TAFA1: variants seen among roughly 807,000 people sequenced by gnomAD.
The protein encoded by TAFA1 is TAFA chemokine like family member 1.
In TAFA1, 4 loss-of-function variants were observed where a neutral mutation model predicts 18.5. The ratio of observed to expected loss-of-function variants is 0.22; its 90% CI spans 0.11 to 0.49. The LOEUF is 0.49. Among genes scored for constraint, TAFA1 ranks in the 20% least tolerant of loss-of-function variants. The pLI is 0.98. For synonymous variants in TAFA1, 56 were observed against 55.2 expected (o/e 1.01, Z -0.06); for missense variants, 147 against 169.0 (o/e 0.87, Z 0.72).
chr3:68,413,324 G>T (rs184926805), intron 2 of TAFA1, among the ~76,000 whole-genome samples: 27 of 152,216 alleles, frequency 1.8e-4, no homozygotes, highest in African/African-American at 6.3e-4. Context: ...CATTCTGTAG[G>T]TTGAAACATG....
chr3:68,392,858 T>C (rs933745586), intron 2 of TAFA1, among the ~76,000 whole-genome samples: 1 of 152,134 alleles, frequency 6.6e-6, no homozygotes, highest in Non-Finnish European at 1.5e-5. Flanking sequence ...GCTAAAGCAG[T>C]GTTTAGAGGG....
intron 3 of TAFA1, among the ~76,000 whole-genome samples, chr3:68,518,634 C>A (rs757827970): frequency 6.6e-6 from 1 of 152,154 alleles, no homozygotes; most frequent in Non-Finnish European, 1.5e-5. Context: ...TTGAACTAGG[C>A]ATTCTGGGAA....
At chr3:68,129,153 G>C (rs2065508425) in intron 2 of TAFA1, among the ~76,000 whole-genome samples, 1 of 152,120 alleles carries the variant, frequency 6.6e-6, no homozygotes. Context: ...TCTTCTGTCT[G>C]GTACAGATAA....
chr3:68,414,208 G>A (rs906708071), intron 2 of TAFA1, among the ~76,000 whole-genome samples: 1 of 152,142 alleles, frequency 6.6e-6, no homozygotes, highest in Non-Finnish European at 1.5e-5. Context: ...TTGGGAGGCT[G>A]AGGCAAGAGA....
chr3:68,187,788 A>G (rs1414210130), intron 2 of TAFA1, among the ~76,000 whole-genome samples: 2 of 152,100 alleles, frequency 1.3e-5, no homozygotes, highest in East Asian at 3.9e-4. Context: ...GAAGCAATGT[A>G]TGATCATCTT....
intron 2 of TAFA1, among the ~76,000 whole-genome samples, chr3:68,224,527 C>G (rs892924321): frequency 1.1e-4 from 17 of 152,122 alleles, no homozygotes; most frequent in African/African-American, 3.6e-4. Context: ...GGTTTATTAA[C>G]CTGGAGAATT....
intron 2 of TAFA1, among the ~76,000 whole-genome samples, chr3:68,069,844 A>T (rs1451926158): frequency 1.3e-5 from 2 of 152,154 alleles, no homozygotes; most frequent in Admixed American, 6.5e-5. Context: ...CTCCAAAATG[A>T]TCTCCTTTGA....
At chr3:68,431,337 TGCCCTTAGCA>T (rs2071166553) in intron 3 of TAFA1, among the ~76,000 whole-genome samples, 1 of 152,004 alleles carries the variant, frequency 6.6e-6, no homozygotes, top group Admixed American at 6.6e-5. Flanking sequence ...AATTACCTAT[TGCCCTTAGCA>T]GCCCTTATGC....
chr3:68,119,257 G>A (rs999373032), intron 2 of TAFA1, among the ~76,000 whole-genome samples: 5 of 152,084 alleles, frequency 3.3e-5, no homozygotes, highest in Middle Eastern at 3.4e-3. Flanking sequence ...TTGAACAGTA[G>A]GAGTATTTTA....
At chr3:68,347,373 T>C (rs1379984665) in intron 2 of TAFA1, among the ~76,000 whole-genome samples, 1 of 152,190 alleles carries the variant, frequency 6.6e-6, no homozygotes, top group Non-Finnish European at 1.5e-5. Flanking sequence ...AGTTTTAAAT[T>C]CTGTTATTGT....
At chr3:68,359,778 T>C (rs1210792300) in intron 2 of TAFA1, among the ~76,000 whole-genome samples, 2 of 151,982 alleles carry the variant, frequency 1.3e-5, no homozygotes, top group African/African-American at 4.8e-5. Flanking sequence ...AGCCACCAAA[T>C]GCCCCTTCAT....
At chr3:68,020,716 C>T (rs947199605) in intron 2 of TAFA1, among the ~76,000 whole-genome samples, 16 of 152,088 alleles carry the variant, frequency 1.1e-4, no homozygotes, top group Non-Finnish European at 1.6e-4. Flanking sequence ...ATAATAAAAT[C>T]CATGTACTCA....
chr3:68,057,028 G>T (rs762158086), intron 2 of TAFA1, among the ~76,000 whole-genome samples: 7 of 152,136 alleles, frequency 4.6e-5, no homozygotes, highest in Non-Finnish European at 8.8e-5. Flanking sequence ...TATGGGAAAA[G>T]CTACAATTCT....
chr3:68,191,908 AC>A (rs1434964869), intron 2 of TAFA1, among the ~76,000 whole-genome samples: 4 of 151,852 alleles, frequency 2.6e-5, no homozygotes, highest in Non-Finnish European at 1.5e-5. Context: ...AATCACTTCA[AC>A]GTCATTCAAT....
At chr3:68,522,324 G>A (rs1457036930) in intron 3 of TAFA1, among the ~76,000 whole-genome samples, 1 of 152,154 alleles carries the variant, frequency 6.6e-6, no homozygotes, top group Non-Finnish European at 1.5e-5. Context: ...TTTGGATTGA[G>A]ATTGTAAGAT....
At chr3:68,054,174 C>T (rs186638684) in intron 2 of TAFA1, among the ~76,000 whole-genome samples, 1 of 152,212 alleles carries the variant, frequency 6.6e-6, no homozygotes, top group East Asian at 1.9e-4. Context: ...GAAATGTGAT[C>T]CCCAGTGTTG....
At chr3:68,203,758 AC>A (rs1258696493) in intron 2 of TAFA1, among the ~76,000 whole-genome samples, 2 of 151,446 alleles carry the variant, frequency 1.3e-5, no homozygotes, top group Non-Finnish European at 3.0e-5. Flanking sequence ...CTCTGATAAA[AC>A]CCCATCAAGT....
At chr3:68,536,816 C>A (rs893196402) in intron 3 of TAFA1, among the ~76,000 whole-genome samples, 3 of 152,248 alleles carry the variant, frequency 2.0e-5, no homozygotes, top group Admixed American at 2.0e-4. Context: ...ATTAGGGCTG[C>A]TTTATCAGAG....
intron 2 of TAFA1, among the ~76,000 whole-genome samples, chr3:68,311,711 G>C (rs2068520682): frequency 6.6e-6 from 1 of 152,230 alleles, no homozygotes. Context: ...CCTTCTGGCT[G>C]CTTTCAGAAA....
Sources: gnomAD v4.1 joint callset for allele counts (sites outside exome capture counted in the v4.1 genomes callset) on GRCh38, gnomAD v4.1.1 for gene constraint, MANE v1.5 for transcripts, NCBI Gene and HGNC (gene_info 2026-07-23, HGNC 2026-07-21) for gene names.